The following KMT2A variants were observed in gnomAD, a reference collection of about 807,000 sequenced individuals.
KMT2A encodes lysine methyltransferase 2A.
Under a neutral mutation model 345.3 loss-of-function variants are expected in KMT2A, and 16 were observed. The ratio of observed to expected loss-of-function variants is 0.05; its 90% confidence interval spans 0.03 to 0.07. The LOEUF (loss-of-function observed/expected upper bound fraction) is 0.07, where lower values mean the gene tolerates loss of function less well. Among genes scored for constraint, KMT2A ranks in the 10% least tolerant of loss-of-function variants. The probability of loss-of-function intolerance (pLI) is 1.00; values close to 1 mark genes in which losing one functional copy is unlikely to be tolerated. For synonymous variants in KMT2A, 1,599 were observed against 1,778.6 expected (o/e 0.90, Z 2.54); for missense variants, 3,272 against 4,841.6 (o/e 0.68, Z 9.62).
intron 2 of KMT2A, among the ~76,000 whole-genome samples, chr11:118,469,514 A>G (rs1023516595): frequency 6.6e-6 from 1 of 152,238 alleles, no homozygotes; most frequent in African/African-American, 2.4e-5. Context: ...CACCAACAAA[A>G]TATCTAGAAT....
Position 118,501,709 on chromosome 11 carries a change from T to A in KMT2A, c.6357T>A (p.Ile2119=), listed in dbSNP as rs782666540. 2 of 1,613,880 alleles carry A rather than the reference T, an allele frequency of 1.2e-6. No individual in the cohort carries two copies. The highest frequency in any genetic ancestry group is 2.2e-5 in the South Asian group (2 of 91,014). The change falls in exon 26 of 36, where the codon ATT becomes ATA. Residue 2119 remains isoleucine, a synonymous_variant. Transcript: ENST00000534358. ...SSKESQNTAE[I]ISPPSPDRPP... ...AAGAGAGTCAAAACACAGCTGAAAT[T>A]ATAAGTCCTCCATCACCAGACCGAC...
In KMT2A at chr11:118,525,552, A is replaced by G; in HGVS notation, c.*3380A>G. ...CCGCCACCCTGCTCGCCTCCGTCAA[A>G]CCCCCGGCCAATGCAGTGAGCACCA... is the stretch of plus-strand genomic sequence containing the variant. On this transcript the variant is annotated 3_prime_UTR_variant, in exon 36 of 36. Coordinates refer to ENST00000534358, the MANE Select transcript of KMT2A (RefSeq NM_001197104.2). The G allele has an allele frequency of 4.5e-6, 1 of 222,938 alleles. No individual in the cohort carries two copies. The highest frequency in any genetic ancestry group is 6.5e-5 in the East Asian group (1 of 15,362). 13.8% of individuals were successfully genotyped at this position (222,938 alleles called of 1,614,324 possible).
In KMT2A at chr11:118,473,957, G is replaced by A. The variant is rs782067532; in HGVS notation, c.2798G>A (p.Arg933Gln). 1.1e-5 allele frequency: 17 copies of A among 1,613,874 alleles called. No individual in the cohort carries two copies. Among genetic ancestry groups the A allele is most frequent in the African/African-American group, 1.3e-5 (1 of 74,870 alleles). The change falls in exon 3 of 36, where the codon CGG becomes CAG. Residue 933 changes from arginine to glutamine, a missense_variant. Transcript: ENST00000534358. The surrounding 1 kb of genome is among the most constrained non-coding windows in gnomAD (Gnocchi z 5.2). The part of the protein sequence containing the change: ...TSSSAKKATG[R>Q]KKSSSHDSGT... ...TCTTCTGCCAAAAAAGCAACAGGGC[G>A]GAAGAAGTCTTCATCACATGATTCT...
At chr11:118,448,957 C>G (rs993148690) in intron 1 of KMT2A, 18 of 152,102 alleles carry the variant, frequency 1.2e-4, no homozygotes, top group African/African-American at 4.3e-4. Flanking sequence ...ATTCAGAAAA[C>G]AAGAGATGTA....
chr11:118,505,068 C>G lies in KMT2A; in HGVS notation c.9176C>G (p.Pro3059Arg). 6.2e-7 allele frequency: 1 copy of G among 1,614,060 alleles called. No homozygotes were observed. The highest frequency in any genetic ancestry group is 8.5e-7 in the Non-Finnish European group (1 of 1,179,998). ...YVPNSTDSPGPSQISNAAVQT... is the reference protein window; with the variant it reads ...YVPNSTDSPGRSQISNAAVQT... ...CCCAATTCTACTGATAGTCCTGGCC[C>G]GTCTCAGATTTCCAATGCAGCTGTC... Residue 3059 changes from proline (P) to arginine (R), a missense_variant, in exon 27 of 36, where the codon CCG becomes CGG. Transcript: ENST00000534358. This position sits in a 1 kb window ranked among gnomAD's most constrained non-coding sequence, Gnocchi z 4.6.
intron 1 of KMT2A, among the ~76,000 whole-genome samples, chr11:118,453,491 T>G (rs182155872): frequency 6.6e-6 from 1 of 152,286 alleles, no homozygotes; most frequent in African/African-American, 2.4e-5. Context: ...CCTCCTCTGC[T>G]TAACTCTCCT....
rs782302349 is a variant in KMT2A at position 118,472,009 on chromosome 11, A to C, written c.850A>C (p.Lys284Gln). Residue 284 changes from lysine to glutamine, a missense_variant, in exon 3 of 36, where the codon AAG (lysine) becomes CAG (glutamine). Lys to Gln is a moderately conservative substitution (Grantham distance 53). This residue lies in a region of KMT2A where 412 missense variants were observed against 511.0 expected (regional missense o/e 0.81). Transcript: ENST00000534358. ...AGGTAAACTCTCTCCTCTCAAGTCT[A>C]AGTTTAAGACAGGGAAGCTTCAAAT... Reference protein sequence around the residue: ...RAGKLSPLKSKFKTGKLQIGR... With the variant: ...RAGKLSPLKSQFKTGKLQIGR... 9.9e-6 allele frequency: 16 copies of C among 1,613,748 alleles called. No homozygotes were observed. Among genetic ancestry groups the C allele is most frequent in the Non-Finnish European group, 1.1e-5 (13 of 1,179,942 alleles).
Position 118,499,416 on chromosome 11 carries a change from G to A in KMT2A, c.6075G>A (p.Met2025Ile). 1 of 1,565,512 alleles carries A rather than the reference G, an allele frequency of 6.4e-7. No individual in the cohort carries two copies. Among genetic ancestry groups the A allele is most frequent in the Non-Finnish European group, 8.8e-7 (1 of 1,135,504 alleles). Residue 2025 changes from methionine (M) to isoleucine (I), a missense_variant, in exon 23 of 36, where the codon ATG becomes ATA. By Grantham distance (10) the Met-to-Ile change is conservative. Transcript: ENST00000534358. ...TGGAACCAGAAAATATCCACATGAT[G>A]ATTGGTATGACCTAGCCTTGGTTAT... Reference protein sequence around the residue: ...NGLEPENIHMMIGSMTIDCLG... With the variant: ...NGLEPENIHMIIGSMTIDCLG...
chr11:118,476,833 C>G lies in KMT2A; in HGVS notation c.3185C>G (p.Ser1062Cys), dbSNP rs781797424. ...QGQESDSSET[S>C]VRGPRIKHVC... ...CAAGAAAGTGACTCATCAGAGACCT[C>G]TGTGCGAGGACCCCGGATTAAACAT... The change falls in exon 4 of 36, where the codon TCT becomes TGT. Residue 1062 changes from serine (S) to cysteine (C), a missense_variant. By Grantham distance (112) the Ser-to-Cys change is moderately radical. Transcript: ENST00000534358. The surrounding 1 kb of genome is among the most constrained non-coding windows in gnomAD (Gnocchi z 4.1). 1 of 1,612,848 alleles carries G rather than the reference C, an allele frequency of 6.2e-7. No homozygotes were observed. The highest frequency in any genetic ancestry group is 1.7e-5 in the Admixed American group (1 of 60,000).
rs1408731262 is a variant in KMT2A, at chr11:118,494,031, G to A, written c.5179-257G>A. Among the ~76,000 whole-genome samples the A allele has an allele frequency of 6.6e-6, 1 of 152,152 alleles. No individual in the cohort carries two copies. Among genetic ancestry groups the A allele is most frequent in the Non-Finnish European group, 1.5e-5 (1 of 68,014 alleles). ...TTTATTTTAATCCAAAATAAAAACT[G>A]TGGACCTGCTTGGATAATTTATCAT... On this transcript the variant is annotated intron_variant, in intron 16 of 35. Coordinates refer to ENST00000534358, the MANE Select transcript of KMT2A (RefSeq NM_001197104.2). This position sits in a 1 kb window ranked among gnomAD's most constrained non-coding sequence, Gnocchi z 5.8.
At chr11:118,443,116 G>A (rs1393765924) in intron 1 of KMT2A, among the ~76,000 whole-genome samples, 2 of 152,150 alleles carry the variant, frequency 1.3e-5, no homozygotes, top group African/African-American at 2.4e-5. Flanking sequence ...TGGTTTTATG[G>A]CCTAATTCTC....
rs933037692 is a variant in KMT2A at position 118,522,287 on chromosome 11, C to A, written c.*115C>A. On this transcript the variant is annotated 3_prime_UTR_variant, in exon 36 of 36. Coordinates refer to ENST00000534358, the MANE Select transcript of KMT2A (RefSeq NM_001197104.2). This position sits in a 1 kb window ranked among gnomAD's most constrained non-coding sequence, Gnocchi z 5.4. Reference sequence around the variant, plus strand: ...GGATTGCGTGGCACAGCTGAGGGGCCTCTGTGATGGCTGAGCTCTCTTATG... The same window carrying A: ...GGATTGCGTGGCACAGCTGAGGGGCATCTGTGATGGCTGAGCTCTCTTATG... The A allele has an allele frequency of 3.6e-5, 37 of 1,019,714 alleles. No individual in the cohort carries two copies. Among genetic ancestry groups the A allele is most frequent in the Middle Eastern group, 4.4e-4 (2 of 4,540 alleles). The allele number at this position is 1,019,714 out of a possible 1,614,324, so 63.2% of individuals were successfully genotyped here.
rs1555053349 is a variant in KMT2A, at chr11:118,520,916, A to G, written c.11513+31A>G. The G allele has an allele frequency of 3.9e-6, 6 of 1,523,742 alleles. No individual in the cohort carries two copies. Among genetic ancestry groups the G allele is most frequent in the Admixed American group, 1.7e-5 (1 of 59,560 alleles). The allele number at this position is 1,523,742 out of a possible 1,614,324, so 94.4% of individuals were successfully genotyped here. On this transcript the variant is annotated intron_variant, in intron 34 of 35. Transcript: ENST00000534358. The surrounding 1 kb of genome is among the most constrained non-coding windows in gnomAD (Gnocchi z 4.3). The stretch of plus-strand genomic sequence containing the variant: ...ACTAAAATTCTAGAAAGAATTACAG[A>G]AAACGAATGCAGTTTTTCAAAATCA...
chr11:118,481,215 C>T (rs1244941298), intron 6 of KMT2A, among the ~76,000 whole-genome samples: 2 of 152,064 alleles, frequency 1.3e-5, no homozygotes, highest in Admixed American at 6.6e-5. Context: ...TTTTTGTACC[C>T]ATTAACCATC....
chr11:118,473,446 A>G lies in KMT2A; in HGVS notation c.2287A>G (p.Ser763Gly). 1 of 1,614,196 alleles carries G rather than the reference A, an allele frequency of 6.2e-7. No individual in the cohort carries two copies. The change falls in exon 3 of 36, where the codon AGT becomes GGT. Residue 763 changes from serine to glycine, a missense_variant. Physicochemically the swap from Ser to Gly is moderately conservative, Grantham distance 56. This residue lies in a region of KMT2A where 209 missense variants were observed against 237.4 expected (regional missense o/e 0.88). Coordinates refer to ENST00000534358, the MANE Select transcript of KMT2A (RefSeq NM_001197104.2). The surrounding 1 kb of genome is among the most constrained non-coding windows in gnomAD (Gnocchi z 5.2). Reference protein sequence around the residue: ...HSMRTRSGRLSSSELSPLTPP... With the variant: ...HSMRTRSGRLGSSELSPLTPP... ...CATGAGGACAAGAAGTGGAAGGCTT[A>G]GTAGTTCTGAGCTCTCACCTCTCAC...
At chr11:118,456,134 C>A (rs1949637680) in intron 1 of KMT2A, among the ~76,000 whole-genome samples, 1 of 152,116 alleles carries the variant, frequency 6.6e-6, no homozygotes. Context: ...CTGCACCTGG[C>A]CTCTCCCTGT....
At chr11:118,465,193 G>C (rs767281212) in intron 1 of KMT2A, among the ~76,000 whole-genome samples, 68 of 152,142 alleles carry the variant, frequency 4.5e-4, no homozygotes, top group Non-Finnish European at 8.5e-4. Flanking sequence ...AGCCAAGATT[G>C]TGCCACTGCA....
rs782438210 is a variant in KMT2A at position 118,468,830 on chromosome 11, C to G, written c.488C>G (p.Thr163Arg). The G allele has an allele frequency of 3.1e-6, 5 of 1,613,160 alleles. No homozygotes were observed. In the Admixed American group the frequency reaches 6.7e-5, roughly 22 times the overall value. ...SDEEVRVRSP[T>R]RSPSVKTSPR... ...GAAGAAGTCAGAGTGCGAAGTCCCA[C>G]AAGGTCTCCTTCAGGTACGGCCAAT... The change falls in exon 2 of 36, where the codon ACA (threonine) becomes AGA (arginine). Residue 163 changes from threonine (T) to arginine (R), a missense_variant. Around this residue, in one of 27 missense-constraint regions of KMT2A, gnomAD observed 412 missense variants for 511.0 expected, o/e 0.81. Transcript: ENST00000534358.
chr11:118,493,096 A>G lies in KMT2A; in HGVS notation c.5044A>G (p.Ser1682Gly). 1.2e-6 allele frequency: 2 copies of G among 1,614,010 alleles called. No individual in the cohort carries two copies. The highest frequency in any genetic ancestry group is 1.7e-6 in the Non-Finnish European group (2 of 1,179,916). The change falls in exon 16 of 36, where the codon AGT becomes GGT. Residue 1682 changes from serine to glycine, a missense_variant. Coordinates refer to ENST00000534358, the MANE Select transcript of KMT2A (RefSeq NM_001197104.2). This position sits in a 1 kb window ranked among gnomAD's most constrained non-coding sequence, Gnocchi z 5.8. Reference protein sequence around the residue: ...PPDLNPETEESIPSRSSPEGP... With the variant: ...PPDLNPETEEGIPSRSSPEGP... ...AGACTTAAATCCCGAGACAGAGGAGAGTATACCTTCCCGCAGCTCCCCCGA... is the reference window on the plus strand; with the variant it reads ...AGACTTAAATCCCGAGACAGAGGAGGGTATACCTTCCCGCAGCTCCCCCGA...
Sources: gnomAD v4.1 joint callset for allele counts (sites outside exome capture counted in the v4.1 genomes callset) on GRCh38, gnomAD v4.1.1 for gene constraint, gnomAD v4.1.1 regional missense constraint, Gnocchi (gnomAD v3.1) non-coding constraint, MANE v1.5 for transcripts, NCBI Gene and HGNC (gene_info 2026-07-23, HGNC 2026-07-21) for gene names.